RNF123: variants seen among roughly 807,000 people sequenced by gnomAD.
RNF123 encodes the protein E3 ubiquitin-protein ligase RNF123.
RNF123 carries 86 observed loss-of-function variants against 168.5 expected under a neutral mutation model. The ratio of observed to expected loss-of-function variants is 0.51; its 90% CI spans 0.43 to 0.61. The LOEUF is 0.61. Among genes scored for constraint, RNF123 ranks in the 20% least tolerant of loss-of-function variants. RNF123 has a pLI of 0.00. For synonymous variants in RNF123, 666 were observed against 689.1 expected (o/e 0.97, Z 0.52); for missense variants, 1,419 against 1,729.7 (o/e 0.82, Z 3.19).
chr3:49,703,379 T>G, intron 20 of RNF123, 48 bp from the exon 21 acceptor site: 1 of 1,509,410 alleles, frequency 6.6e-7, no homozygotes, highest in Non-Finnish European at 9.2e-7. Flanking sequence ...GGGGAGGGTC[T>G]TCCTACTGGG....
chr3:49,697,139 C>T lies in RNF123; in HGVS notation c.168-4C>T. ...GACCCCTGGCAGCCTCTCACTCTCC[C>T]CAGGAAACCCCTGAACTTCCAGAAC... On this transcript the variant is annotated splice_polypyrimidine_tract_variant and splice_region_variant and intron_variant, in intron 3 of 38. Coordinates refer to ENST00000327697, the MANE Select transcript of RNF123 (RefSeq NM_022064.5). 1 of 1,613,724 alleles carries T rather than the reference C, an allele frequency of 6.2e-7. No individual in the cohort carries two copies. The highest frequency in any genetic ancestry group is 1.3e-5 in the African/African-American group (1 of 75,004).
At chr3:49,720,765 C>T (rs1462198811) in intron 36 of RNF123, 35 bp from the exon 37 acceptor site, 1 of 1,612,700 alleles carries the variant, frequency 6.2e-7, no homozygotes, top group Non-Finnish European at 8.5e-7. Context: ...ACATCCTCAG[C>T]TACCTCTGAC....
intron 31 of RNF123, 93 bp downstream of exon 31, chr3:49,714,267 C>T: frequency 8.6e-7 from 1 of 1,161,300 alleles, no homozygotes; most frequent in South Asian, 1.3e-5. Flanking sequence ...CTTCTTCCAG[C>T]CCCTCTCTGG....
At position 49,721,038 on chromosome 3, in the gene RNF123, C is replaced by T; in HGVS notation, c.3757C>T (p.Leu1253Phe). Residue 1253 changes from leucine to phenylalanine, a missense_variant, in exon 38 of 39, where the codon CTC becomes TTC. This residue lies in a region of RNF123 where 50 missense variants were observed against 77.2 expected (regional missense o/e 0.65). Transcript: ENST00000327697. ...CCTGCAGCCCACCAGTGAGGAGGACCTCTGCCCCATCTGCTATGCCCACCC... is the reference window on the plus strand; with the variant it reads ...CCTGCAGCCCACCAGTGAGGAGGACTTCTGCCCCATCTGCTATGCCCACCC... ...AASLPTSEED[L>F]CPICYAHPIS... is the part of the protein sequence containing the mutation. The T allele has an allele frequency of 1.9e-6, 3 of 1,613,224 alleles. No homozygotes were observed. In the South Asian group the frequency reaches 3.3e-5, roughly 18 times the overall value.
chr3:49,712,629 CCCGTGCACAGCATGGAGGAG>C lies in RNF123; in HGVS notation c.2649_2668del (p.Val884ProfsTer4), dbSNP rs1253083085. On this transcript the variant is annotated frameshift_variant, in exon 27 of 39. Transcript: ENST00000327697. LOFTEE classifies it high-confidence loss of function. The stretch of plus-strand genomic sequence containing the variant: ...CAGTGCTCTCAAGAATTACTTTGGT[CCCGTGCACAGCATGGAGGAG>C]CTCCCAGGTGATGGAACCATTCAGG... The C allele has an allele frequency of 6.2e-7, 1 of 1,614,042 alleles. No individual in the cohort carries two copies. The highest frequency in any genetic ancestry group is 8.5e-7 in the Non-Finnish European group (1 of 1,180,038).
intron 23 of RNF123, 53 bp downstream of exon 23, chr3:49,705,235 C>T (rs778321219): frequency 1.9e-6 from 3 of 1,549,016 alleles, no homozygotes; most frequent in Non-Finnish European, 2.6e-6. Flanking sequence ...CCACAGTGTA[C>T]AGTCCCCGAT....
intron 27 of RNF123, 161 bp downstream of exon 27, chr3:49,712,817 C>G: frequency 2.5e-6 from 2 of 807,758 alleles, no homozygotes; most frequent in African/African-American, 1.7e-5. Flanking sequence ...AAACAAACGT[C>G]TGCACCCTGC....
In RNF123 at chr3:49,702,686, G is replaced by T; in HGVS notation, c.1683G>T (p.Leu561=). ...ACATGGTCTGCTTCTTACACCGGCT[G>T]ATCTCTGCCCTGCGCTACTATTGGG... ...PEYMVCFLHR[L]ISALRYYWDE... The change falls in exon 20 of 39, where the codon CTG becomes CTT. Residue 561 remains leucine, a synonymous_variant. Coordinates refer to ENST00000327697, the MANE Select transcript of RNF123 (RefSeq NM_022064.5). 6.2e-7 allele frequency: 1 copy of T among 1,614,226 alleles called. No individual in the cohort carries two copies. The highest frequency in any genetic ancestry group is 8.5e-7 in the Non-Finnish European group (1 of 1,180,038).
At chr3:49,696,281 A>G (rs1295442830) in intron 3 of RNF123, among the ~76,000 whole-genome samples, 1 of 152,168 alleles carries the variant, frequency 6.6e-6, no homozygotes, top group African/African-American at 2.4e-5. Context: ...TGGGCTCTTC[A>G]CAGCATCTCT....
chr3:49,706,887 G>A lies in RNF123; in HGVS notation c.2485G>A (p.Val829Ile), dbSNP rs771409080. The change falls in exon 26 of 39, where the codon GTC (valine) becomes ATC (isoleucine). Residue 829 changes from valine (V) to isoleucine (I), a missense_variant. Coordinates refer to ENST00000327697, the MANE Select transcript of RNF123 (RefSeq NM_022064.5). ...CCGTCTTGCCTGGGTCCATGCCACTGTCTACTCCCAGGTGTGCTGGTATTG... is the reference window on the plus strand; with the variant it reads ...CCGTCTTGCCTGGGTCCATGCCACTATCTACTCCCAGGTGTGCTGGTATTG... The part of the protein sequence containing the change: ...SRRLAWVHAT[V>I]YSQEKMLDIY... 6 of 1,614,048 alleles carry A rather than the reference G, an allele frequency of 3.7e-6. No individual in the cohort carries two copies. The South Asian group carries it at 6.6e-5, about 18-fold the overall frequency.
intron 35 of RNF123, chr3:49,716,825 G>A (rs1286804905): frequency 3.3e-5 from 8 of 245,760 alleles, no homozygotes; most frequent in South Asian, 7.7e-5. Flanking sequence ...ACGGAGGACC[G>A]CCATTGTCTG....
chr3:49,706,586 G>A (rs2054524773), intron 25 of RNF123, among the ~76,000 whole-genome samples: 1 of 152,244 alleles, frequency 6.6e-6, no homozygotes, highest in African/African-American at 2.4e-5. Flanking sequence ...TCACTTCCAT[G>A]TCATGAGGGG....
At chr3:49,721,136 A>C (rs772340064) in intron 38 of RNF123, 31 bp downstream of exon 38, 3 of 1,613,962 alleles carry the variant, frequency 1.9e-6, no homozygotes, top group Non-Finnish European at 2.5e-6. Flanking sequence ...GGTGGTGGGG[A>C]GAGCAGTAGG....
chr3:49,721,064 C>T lies in RNF123; in HGVS notation c.3783C>T (p.Pro1261=), dbSNP rs34127462. 2,814 of 1,613,888 alleles carry T rather than the reference C, an allele frequency of 1.7e-3. 44 individuals are homozygous for T. In the African/African-American group the frequency reaches 0.033, roughly 19 times the overall value. ...TCTGCCCCATCTGCTATGCCCACCCCATCTCTGCTGTGTTCCAGCCCTGTG... is the reference window on the plus strand; with the variant it reads ...TCTGCCCCATCTGCTATGCCCACCCTATCTCTGCTGTGTTCCAGCCCTGTG... ...EDLCPICYAH[P]ISAVFQPCGH... is the part of the protein sequence containing the mutation. Residue 1261 remains proline (P), a synonymous_variant, in exon 38 of 39, where the codon CCC becomes CCT. Coordinates refer to ENST00000327697, the MANE Select transcript of RNF123 (RefSeq NM_022064.5).
Position 49,712,466 on chromosome 3 carries a change from G to A in RNF123, c.2497-13G>A. 3.1e-6 allele frequency: 5 copies of A among 1,613,532 alleles called. No homozygotes were observed. The highest frequency in any genetic ancestry group is 4.2e-6 in the Non-Finnish European group (5 of 1,179,930). On this transcript the variant is annotated splice_polypyrimidine_tract_variant and intron_variant, in intron 26 of 38. Transcript: ENST00000327697. The stretch of plus-strand genomic sequence containing the variant: ...GGTGCGCAACCCAGCAGCACCCCGT[G>A]TGCCTCCTGCAGGAGAAGATGCTGG...
intron 21 of RNF123, 30 bp from the exon 22 acceptor site, chr3:49,704,620 G>A: frequency 1.3e-6 from 2 of 1,582,018 alleles, no homozygotes; most frequent in Non-Finnish European, 1.7e-6. Flanking sequence ...GCCACCACTG[G>A]CCTGAGAACC....
chr3:49,718,472 GCACCGCGATGCTGC>G (rs749799985), intron 35 of RNF123: 4 of 1,612,892 alleles, frequency 2.5e-6, no homozygotes, highest in Non-Finnish European at 3.4e-6. Context: ...CCGTCGGCCA[GCACCGCGATGCTGC>G]CATCGCGGGA....
At chr3:49,697,677 A>G (rs2054295216) in intron 5 of RNF123, among the ~76,000 whole-genome samples, 1 of 152,188 alleles carries the variant, frequency 6.6e-6, no homozygotes, top group Non-Finnish European at 1.5e-5. Context: ...TTCCCAGCAC[A>G]GCCCTGAGTC....
chr3:49,719,362 G>A (rs2080334557), intron 35 of RNF123: 6 of 1,613,432 alleles, frequency 3.7e-6, no homozygotes, highest in Non-Finnish European at 5.1e-6. Flanking sequence ...ACATTTGTAG[G>A]GGCAGTTGTG....
Sources: gnomAD v4.1 joint callset for allele counts (sites outside exome capture counted in the v4.1 genomes callset) on GRCh38, gnomAD v4.1.1 for gene constraint, gnomAD v4.1.1 regional missense constraint, MANE v1.5 for transcripts, NCBI Gene and HGNC (gene_info 2026-07-23, HGNC 2026-07-21) for gene names.